Variants in PRKAR1B observed in about 807,000 individuals in gnomAD.
PRKAR1B encodes protein kinase cAMP-dependent type I regulatory subunit beta.
Under a neutral mutation model 46.5 loss-of-function variants are expected in PRKAR1B, and 22 were observed. That is an observed-to-expected ratio of 0.47 (90% CI 0.34 to 0.68). The LOEUF is 0.68. Ranked by LOEUF, PRKAR1B falls within the 30% of genes least tolerant of loss-of-function variation. The pLI, the probability that PRKAR1B is intolerant of heterozygous loss-of-function variation, is 0.01. For missense variants in PRKAR1B, 445 were observed against 535.6 expected (o/e 0.83, Z 1.67); for synonymous variants, 259 against 217.7 (o/e 1.19, Z -1.67).
intron 9 of PRKAR1B, among the ~76,000 whole-genome samples, chr7:553,019 G>T (rs567824153): frequency 3.9e-4 from 60 of 152,370 alleles, no homozygotes; most frequent in African/African-American, 1.3e-3. Context: ...TGCAGCCTGC[G>T]GACGGCGGGG....
At chr7:599,182 A>G in intron 6 of PRKAR1B, among the ~76,000 whole-genome samples, 1 of 152,186 alleles carries the variant, frequency 6.6e-6, no homozygotes, top group Non-Finnish European at 1.5e-5. Context: ...CCGGAGGACA[A>G]AGGGGCCATC....
Position 550,069 on chromosome 7 carries a change from C to T in PRKAR1B, c.*361G>A, listed in dbSNP as rs1444531827. On this transcript the variant is annotated 3_prime_UTR_variant, in exon 11 of 11. Transcript: ENST00000537384. ...TCACAGGGTCACCAGGCCCCAGGGG[C>T]AACGTCCTGGCCTGGTTCTGGGGAG... 3 of 235,330 alleles carry T rather than the reference C, an allele frequency of 1.3e-5. No individual in the cohort carries two copies. Among genetic ancestry groups the T allele is most frequent in the East Asian group, 2.6e-4 (2 of 7,616 alleles). The allele number at this position is 235,330 out of a possible 1,614,324, so 14.6% of individuals were successfully genotyped here.
At chr7:723,115 TC>T (rs1483287946) in intron 1 of PRKAR1B, among the ~76,000 whole-genome samples, 1 of 152,174 alleles carries the variant, frequency 6.6e-6, no homozygotes, top group Non-Finnish European at 1.5e-5. Context: ...GTTCTGGGTC[TC>T]TTTGTGCTAA....
Position 611,580 on chromosome 7 carries a change from C to G in PRKAR1B, c.441-4128G>C, listed in dbSNP as rs141584150. On this transcript the variant is annotated intron_variant, in intron 4 of 10. Transcript: ENST00000537384. ...CTCAGTTCCTGTGCTTCTCACTCCA[C>G]GGATGGCTTCCGCCTCCCACAGCTG... Among the ~76,000 whole-genome samples, 619 of 152,360 alleles carry G rather than the reference C, an allele frequency of 4.1e-3. 4 individuals are homozygous for G. Among genetic ancestry groups the G allele is most frequent in the African/African-American group, 0.014 (586 of 41,582 alleles).
At chr7:589,325 C>T (rs1780846355) in intron 7 of PRKAR1B, among the ~76,000 whole-genome samples, 1 of 151,928 alleles carries the variant, frequency 6.6e-6, no homozygotes, top group Non-Finnish European at 1.5e-5. Flanking sequence ...GTCTGCTTCC[C>T]ATTGACTAGC....
chr7:595,937 C>T (rs555297843), intron 7 of PRKAR1B, among the ~76,000 whole-genome samples: 76 of 152,296 alleles, frequency 5.0e-4, no homozygotes, highest in African/African-American at 1.7e-3. Context: ...AAAAGGAGGA[C>T]GGTGAAGGGG....
At chr7:638,287 C>T (rs1381552356) in intron 4 of PRKAR1B, among the ~76,000 whole-genome samples, 3 of 152,220 alleles carry the variant, frequency 2.0e-5, no homozygotes. Context: ...AATTGCTTTT[C>T]CCCTAAACAG....
At chr7:558,723 G>C (rs1778602872) in intron 9 of PRKAR1B, among the ~76,000 whole-genome samples, 1 of 152,132 alleles carries the variant, frequency 6.6e-6, no homozygotes, top group Non-Finnish European at 1.5e-5. Context: ...CTGCACTCCA[G>C]CCTGGGCAAC....
At chr7:621,333 T>C (rs931653488) in intron 4 of PRKAR1B, among the ~76,000 whole-genome samples, 2 of 152,262 alleles carry the variant, frequency 1.3e-5, no homozygotes, top group African/African-American at 4.8e-5. Context: ...TTCTATTTAT[T>C]CATGTGCCAA....
At chr7:672,045 G>A (rs941109857) in intron 4 of PRKAR1B, among the ~76,000 whole-genome samples, 1 of 152,130 alleles carries the variant, frequency 6.6e-6, no homozygotes, top group South Asian at 2.1e-4. Context: ...AGCCCCATGA[G>A]GACAGCACCC....
chr7:689,267 G>A (rs1242647985), intron 2 of PRKAR1B, among the ~76,000 whole-genome samples: 8 of 151,094 alleles, frequency 5.3e-5, no homozygotes, highest in Middle Eastern at 3.4e-3. Context: ...GACTACAGGC[G>A]CCCACCACCA....
intron 4 of PRKAR1B, among the ~76,000 whole-genome samples, chr7:658,918 TG>T (rs1194643216): frequency 6.6e-6 from 1 of 152,190 alleles, no homozygotes; most frequent in Non-Finnish European, 1.5e-5. Context: ...CCCAAAATGC[TG>T]GGGTTATAGA....
At chr7:721,358 C>T (rs1263995508) in intron 1 of PRKAR1B, among the ~76,000 whole-genome samples, 2 of 152,168 alleles carry the variant, frequency 1.3e-5, no homozygotes, top group African/African-American at 4.8e-5. Flanking sequence ...TTAAAATTAT[C>T]TTTCTGGGCC....
intron 2 of PRKAR1B, among the ~76,000 whole-genome samples, chr7:704,300 T>C (rs990590691): frequency 6.6e-6 from 1 of 152,166 alleles, no homozygotes; most frequent in Admixed American, 6.5e-5. Flanking sequence ...GATAAACTTC[T>C]AGCCAGACTG....
chr7:570,920 G>A (rs13227266), intron 9 of PRKAR1B, among the ~76,000 whole-genome samples: 46,014 of 151,616 alleles, frequency 0.3, 7,274 homozygotes, highest in Admixed American at 0.48. Context: ...CCTGCTTCAC[G>A]TCTCTTCCAA....
chr7:657,614 C>T (rs1412031994), intron 4 of PRKAR1B, among the ~76,000 whole-genome samples: 4 of 152,270 alleles, frequency 2.6e-5, no homozygotes, highest in East Asian at 3.9e-4. Context: ...GGGGCTGAGG[C>T]GCCGTTTTGG....
chr7:619,204 A>AC (rs773419463), intron 4 of PRKAR1B, among the ~76,000 whole-genome samples: 93 of 152,294 alleles, frequency 6.1e-4, no homozygotes, highest in Non-Finnish European at 8.5e-4. Context: ...GGGAGGCAAC[A>AC]CGGCACCTAC....
At chr7:592,521 C>T (rs1781038039) in intron 7 of PRKAR1B, among the ~76,000 whole-genome samples, 1 of 152,180 alleles carries the variant, frequency 6.6e-6, no homozygotes, top group South Asian at 2.1e-4. Flanking sequence ...CTCCTGGCCC[C>T]ACTGGCTGTG....
intron 2 of PRKAR1B, among the ~76,000 whole-genome samples, chr7:703,490 T>G (rs1360497464): frequency 6.6e-6 from 1 of 151,776 alleles, no homozygotes; most frequent in Non-Finnish European, 1.5e-5. Flanking sequence ...CCATCTCTAC[T>G]AAAAACACAC....
Sources: gnomAD v4.1 joint callset for allele counts (sites outside exome capture counted in the v4.1 genomes callset) on GRCh38, gnomAD v4.1.1 for gene constraint, MANE v1.5 for transcripts, NCBI Gene and HGNC (gene_info 2026-07-23, HGNC 2026-07-21) for gene names.